HSPG2: variants seen among roughly 807,000 people sequenced by gnomAD.
The protein encoded by HSPG2 is basement membrane-specific heparan sulfate proteoglycan core protein.
A neutral mutation model predicts 526.6 loss-of-function variants in HSPG2; 278 were observed. That is an observed-to-expected ratio of 0.53 (90% CI 0.48 to 0.58). HSPG2 has a LOEUF of 0.58. HSPG2 is among the 20% of genes least tolerant of loss of function. The pLI, the probability that HSPG2 is intolerant of heterozygous loss-of-function variation, is 0.00. For synonymous variants in HSPG2, 2,465 were observed against 2,555.4 expected, an observed-to-expected ratio of 0.96 and a Z score of 1.07; for missense variants, 5,354 against 6,099.5, an observed-to-expected ratio of 0.88 and a Z score of 4.07.
intron 14 of HSPG2, 47 bp downstream of exon 14, chr1:21,881,292 C>A (rs1193631132): frequency 6.2e-7 from 1 of 1,604,166 alleles, no homozygotes; most frequent in South Asian, 1.1e-5. Context: ...GGAGCAGAGC[C>A]CACAGGAATT....
In HSPG2 at chr1:21,851,591, C is replaced by A. The variant is rs150934420; in HGVS notation, c.7113G>T (p.Gln2371His). 2 of 1,613,904 alleles carry A rather than the reference C, an allele frequency of 1.2e-6. No individual in the cohort carries two copies. Among genetic ancestry groups the A allele is most frequent in the African/African-American group, 2.7e-5 (2 of 74,928 alleles). Residue 2371 changes from glutamine to histidine, a missense_variant, in exon 55 of 97, where the codon CAG becomes CAT. Gln to His is a conservative substitution (Grantham distance 24). Coordinates refer to ENST00000374695, the MANE Select transcript of HSPG2 (RefSeq NM_005529.7). Reference protein sequence around the residue: ...NCVVPGQSHAQVTWHKRGGSL... With the variant: ...NCVVPGQSHAHVTWHKRGGSL... The stretch of plus-strand genomic sequence containing the variant: ...TGCCCCCACGCTTGTGCCACGTGAC[C>A]TGGGCATGGGACTGCCCGGGCACCA...
At chr1:21,829,886 G>T (rs1273672593) in intron 86 of HSPG2, 107 bp downstream of exon 86, 5 of 1,010,610 alleles carry the variant, frequency 4.9e-6, no homozygotes, top group African/African-American at 1.6e-5. Flanking sequence ...CCTCTGGCTT[G>T]GGAATCGTTT....
chr1:21,874,149 G>T, intron 28 of HSPG2, 138 bp from the exon 29 acceptor site: 2 of 850,496 alleles, frequency 2.4e-6, no homozygotes, highest in Non-Finnish European at 3.8e-6. Flanking sequence ...TGCATGCCTG[G>T]CACTGTGCTA....
intron 1 of HSPG2, among the ~76,000 whole-genome samples, chr1:21,913,579 C>T (rs1382112452): frequency 6.6e-6 from 1 of 152,184 alleles, no homozygotes; most frequent in Non-Finnish European, 1.5e-5. Context: ...CTTAGGTTAG[C>T]TGCTGGGTCC....
chr1:21,885,040 T>G lies in HSPG2; in HGVS notation c.1328A>C (p.Asn443Thr). 1 of 1,613,888 alleles carries G rather than the reference T, an allele frequency of 6.2e-7. No homozygotes were observed. Among genetic ancestry groups the G allele is most frequent in the Non-Finnish European group, 8.5e-7 (1 of 1,179,986 alleles). ...VPTPIINWRL[N>T]WGHIPSHPRV... is the part of the protein sequence containing the mutation. ...GGGATGAGAGGGGATGTGGCCCCAGTTGAGCCTCCAATTGATGATGGGGGT... is the reference window on the plus strand; with the variant it reads ...GGGATGAGAGGGGATGTGGCCCCAGGTGAGCCTCCAATTGATGATGGGGGT... Residue 443 changes from asparagine to threonine, a missense_variant, in exon 11 of 97, where the codon AAC becomes ACC. Coordinates refer to ENST00000374695, the MANE Select transcript of HSPG2 (RefSeq NM_005529.7).
At chr1:21,841,353 C>T (rs2098047788) in intron 70 of HSPG2, 68 bp from the exon 71 acceptor site, 2 of 1,598,776 alleles carry the variant, frequency 1.3e-6, no homozygotes, top group Admixed American at 3.3e-5. Flanking sequence ...CTGCCATGGC[C>T]TCCAGCTTAG....
Position 21,846,237 on chromosome 1 carries a change from G to T in HSPG2, c.8335C>A (p.Arg2779=), listed in dbSNP as rs1269920627. 1 of 1,612,896 alleles carries T rather than the reference G, an allele frequency of 6.2e-7. No individual in the cohort carries two copies. Among genetic ancestry groups the T allele is most frequent in the African/African-American group, 1.3e-5 (1 of 75,046 alleles). The change falls in exon 64 of 97, where the codon CGG becomes AGG. Residue 2779 remains arginine, a synonymous_variant. Transcript: ENST00000374695. ...SHHQTRGSRL[R]LHHVSPADSG... ...TCGGCCGGGGACACATGGTGCAGCC[G>T]CAGCCGTGAGCCGCGGGTCTGAATA...
At chr1:21,926,951 G>C (rs1019475846) in intron 1 of HSPG2, among the ~76,000 whole-genome samples, 3 of 152,146 alleles carry the variant, frequency 2.0e-5, no homozygotes, top group African/African-American at 7.2e-5. Context: ...GAGTCAGCTG[G>C]GGTTAGTTAG....
chr1:21,926,645 T>C (rs1222728606), intron 1 of HSPG2, among the ~76,000 whole-genome samples: 6 of 150,718 alleles, frequency 4.0e-5, no homozygotes, highest in Non-Finnish European at 8.9e-5. Context: ...CCATAATCCC[T>C]GCTACCAGGG....
At position 21,822,580 on chromosome 1, in the gene HSPG2, G is replaced by A. The variant is rs116354301; in HGVS notation, c.*736C>T. ...CTGGGGTGGGCGGGGCCCGGTGGGC[G>A]GGGCCCTATCAGTGCTGGGCTCTGC... On this transcript the variant is annotated 3_prime_UTR_variant, in exon 97 of 97. Transcript: ENST00000374695. The A allele has an allele frequency of 5.1e-3, 1,642 of 319,656 alleles. 23 individuals carry two copies. Among genetic ancestry groups the A allele is most frequent in the African/African-American group, 0.033 (1,536 of 47,246 alleles). The allele number at this position is 319,656 out of a possible 1,614,324, so 19.8% of individuals were successfully genotyped here.
intron 70 of HSPG2, 38 bp from the exon 71 acceptor site, chr1:21,841,323 G>T: frequency 6.2e-7 from 1 of 1,611,004 alleles, no homozygotes; most frequent in East Asian, 2.2e-5. Flanking sequence ...ACACAGGCAG[G>T]GCTCTGCTGC....
chr1:21,822,443 G>C lies in HSPG2; in HGVS notation c.*873C>G. 1 of 567,388 alleles carries C rather than the reference G, an allele frequency of 1.8e-6. No homozygotes were observed. The highest frequency in any genetic ancestry group is 3.2e-6 in the Non-Finnish European group (1 of 315,668). 35.1% of individuals were successfully genotyped at this position (567,388 alleles called of 1,614,324 possible). A position where few individuals can be genotyped will look rare whatever the true frequency, so the allele number is the denominator to read the frequency against. On this transcript the variant is annotated 3_prime_UTR_variant, in exon 97 of 97. Coordinates refer to ENST00000374695, the MANE Select transcript of HSPG2 (RefSeq NM_005529.7). The stretch of plus-strand genomic sequence containing the variant: ...CCTCTCTCTCTCAGTCGTGAGTCCT[G>C]CCTTCCCCCACCTAAGGCACTAGCT...
intron 47 of HSPG2, 56 bp downstream of exon 47, chr1:21,855,248 G>C: frequency 6.4e-7 from 1 of 1,558,872 alleles, no homozygotes; most frequent in Non-Finnish European, 8.7e-7. Flanking sequence ...GAAGGTGGCT[G>C]GGACTCTCTG....
At chr1:21,885,565 T>G in intron 9 of HSPG2, 114 bp from the exon 10 acceptor site, 1 of 1,208,576 alleles carries the variant, frequency 8.3e-7, no homozygotes, top group Non-Finnish European at 1.2e-6. Context: ...TCGCCATGCC[T>G]AGCCCCTGCT....
chr1:21,867,367 G>C (rs1456140322), intron 33 of HSPG2, among the ~76,000 whole-genome samples: 1 of 152,076 alleles, frequency 6.6e-6, no homozygotes, highest in Non-Finnish European at 1.5e-5. Context: ...TTATAGGTGT[G>C]AGCCATTGTA....
chr1:21,893,648 A>AG lies in HSPG2; in HGVS notation c.244+2273dup, dbSNP rs1378636414. 6.6e-6 allele frequency among the ~76,000 whole-genome samples: 1 copy of AG among 152,050 alleles called. No individual in the cohort carries two copies. The highest frequency in any genetic ancestry group is 2.4e-5 in the African/African-American group (1 of 41,402). Reference sequence around the variant, plus strand: ...CATGCCAGCCACGGGCGGGCGGCCCAGGGGCTGCCCTGAGCCTGCAGAGTA... The same window carrying AG: ...CATGCCAGCCACGGGCGGGCGGCCCAGGGGGCTGCCCTGAGCCTGCAGAGTA... On this transcript the variant is annotated intron_variant, in intron 3 of 96. Transcript: ENST00000374695. The surrounding 1 kb of genome is among the most constrained non-coding windows in gnomAD (Gnocchi z 4.3).
chr1:21,835,028 G>A, intron 76 of HSPG2, 83 bp from the exon 77 acceptor site: 3 of 1,478,886 alleles, frequency 2.0e-6, no homozygotes, highest in Non-Finnish European at 2.8e-6. Flanking sequence ...CCCAAGGAAA[G>A]GTGAGCACTG....
chr1:21,901,177 C>T (rs1450542831), intron 1 of HSPG2, among the ~76,000 whole-genome samples: 3 of 152,026 alleles, frequency 2.0e-5, no homozygotes, highest in Non-Finnish European at 2.9e-5. Flanking sequence ...TTATTATTTC[C>T]GTTTTCTGGA....
At position 21,844,275 on chromosome 1, in the gene HSPG2, C is replaced by T. The variant is rs745930896; in HGVS notation, c.8489G>A (p.Arg2830His). Reference sequence around the variant, plus strand: ...CACTCGGGAGGAGGAGGGCTCGATGCGGATGGGTGGGGCTCCACCTGGGGC... The same window carrying T: ...CACTCGGGAGGAGGAGGGCTCGATGTGGATGGGTGGGGCTCCACCTGGGGC... ...VPAPGGAPPI[R>H]IEPSSSRVAE... The change falls in exon 65 of 97, where the codon CGC (arginine) becomes CAC (histidine). Residue 2830 changes from arginine (R) to histidine (H), a missense_variant. Physicochemically the swap from Arg to His is conservative, Grantham distance 29. Transcript: ENST00000374695. 4.7e-5 allele frequency: 76 copies of T among 1,613,236 alleles called. 1 individual carries two copies. The highest frequency in any genetic ancestry group is 3.2e-4 in the South Asian group (29 of 91,054).
Sources: gnomAD v4.1 joint callset for allele counts (sites outside exome capture counted in the v4.1 genomes callset) on GRCh38, gnomAD v4.1.1 for gene constraint, Gnocchi (gnomAD v3.1) non-coding constraint, MANE v1.5 for transcripts, NCBI Gene and HGNC (gene_info 2026-07-23, HGNC 2026-07-21) for gene names.